Variants in KSR1 observed in about 807,000 individuals in gnomAD.
KSR1 encodes the protein kinase suppressor of ras.
Under a neutral mutation model 92.9 loss-of-function variants are expected in KSR1, and 35 were observed. The observed-to-expected ratio is 0.38, with a 90% CI of 0.29 to 0.50. KSR1 has a LOEUF of 0.50. Among genes scored for constraint, KSR1 ranks in the 20% least tolerant of loss-of-function variants. KSR1 has a pLI of 0.94. For missense variants in KSR1, 972 were observed against 1,158.5 expected (o/e 0.84, Z 2.34); for synonymous variants, 467 against 472.6 (o/e 0.99, Z 0.15).
Position 27,604,720 on chromosome 17 carries a change from G to A in KSR1, c.1606G>A (p.Glu536Lys), listed in dbSNP as rs1163065661. The A allele has an allele frequency of 4.3e-6, 7 of 1,613,908 alleles. No individual in the cohort carries two copies. The highest frequency in any genetic ancestry group is 2.2e-5 in the South Asian group (2 of 91,080). Reference protein sequence around the residue: ...QPKADVLEAHEAEAEEPEAGK... With the variant: ...QPKADVLEAHKAEAEEPEAGK... ...GAAAGCAGATGTGTTGGAAGCTCAC[G>A]AAGCGGAGGTGAGGGTGACACACAC... Residue 536 changes from glutamate (E) to lysine (K), a missense_variant, in exon 13 of 21, where the codon GAA (glutamate) becomes AAA (lysine). By Grantham distance (56) the Glu-to-Lys change is moderately conservative (BLOSUM62 1). This residue lies in a region of KSR1 where 611 missense variants were observed against 668.0 expected (regional missense o/e 0.91). Transcript: ENST00000644974.
intron 1 of KSR1, among the ~76,000 whole-genome samples, chr17:27,543,517 G>A (rs957661662): frequency 2.6e-5 from 4 of 152,210 alleles, no homozygotes; most frequent in Non-Finnish European, 2.9e-5. Context: ...TCAGTGGCAC[G>A]TGCTTCTCCT....
chr17:27,514,519 G>T (rs2069717624), intron 1 of KSR1, among the ~76,000 whole-genome samples: 1 of 152,130 alleles, frequency 6.6e-6, no homozygotes, highest in South Asian at 2.1e-4. Flanking sequence ...AACTAGCTGG[G>T]TGTGGTGGCG....
intron 1 of KSR1, among the ~76,000 whole-genome samples, chr17:27,530,310 T>C (rs1365853331): frequency 6.6e-6 from 1 of 151,596 alleles, no homozygotes; most frequent in African/African-American, 2.4e-5. Flanking sequence ...TTGGGTGTAG[T>C]TGTGTGTGGC....
At chr17:27,512,007 T>C (rs1354850415) in intron 1 of KSR1, among the ~76,000 whole-genome samples, 1 of 152,222 alleles carries the variant, frequency 6.6e-6, no homozygotes, top group Non-Finnish European at 1.5e-5. Flanking sequence ...ATAGTAGTCA[T>C]GTGTATGTTA....
chr17:27,475,198 AG>A (rs2068303441), intron 1 of KSR1, among the ~76,000 whole-genome samples: 1 of 152,020 alleles, frequency 6.6e-6, no homozygotes, highest in Admixed American at 6.5e-5. Flanking sequence ...TGAGGCCACA[AG>A]GGGCCCTGGG....
At chr17:27,545,223 C>T (rs775057260) in intron 1 of KSR1, among the ~76,000 whole-genome samples, 2 of 152,190 alleles carry the variant, frequency 1.3e-5, no homozygotes, top group African/African-American at 2.4e-5. Flanking sequence ...AAAAAGAAAC[C>T]GCTTGCTCCT....
chr17:27,480,004 GAA>G (rs958335556), intron 1 of KSR1, among the ~76,000 whole-genome samples: 1 of 152,202 alleles, frequency 6.6e-6, no homozygotes, highest in Admixed American at 6.5e-5. Context: ...GACATTCAGG[GAA>G]AAGTTTAATG....
chr17:27,592,430 T>G lies in KSR1; in HGVS notation c.1192+8T>G, dbSNP rs755554644. 1.9e-6 allele frequency: 3 copies of G among 1,613,828 alleles called. No homozygotes were observed. In the African/African-American group the frequency reaches 4.0e-5, roughly 22 times the overall value. ...GAATATCCTTCCTGCCACGTGAGTTTTCTGCCTTCCTCTCCTCTGCCTTCT... is the reference window on the plus strand; with the variant it reads ...GAATATCCTTCCTGCCACGTGAGTTGTCTGCCTTCCTCTCCTCTGCCTTCT... On this transcript the variant is annotated splice_region_variant and intron_variant, in intron 8 of 20. Transcript: ENST00000644974.
chr17:27,614,473 A>G (rs547011801), intron 18 of KSR1, among the ~76,000 whole-genome samples: 3 of 152,298 alleles, frequency 2.0e-5, no homozygotes, highest in Non-Finnish European at 4.4e-5. Flanking sequence ...GGTAAGTGCC[A>G]TCTTCAGGGA....
intron 1 of KSR1, among the ~76,000 whole-genome samples, chr17:27,549,052 G>A (rs571059994): frequency 1.4e-4 from 21 of 152,202 alleles, no homozygotes; most frequent in Non-Finnish European, 2.4e-4. Flanking sequence ...ATTTTGGAGA[G>A]GTTCAGCTTC....
At chr17:27,489,941 G>A (rs2068772012) in intron 1 of KSR1, among the ~76,000 whole-genome samples, 1 of 152,246 alleles carries the variant, frequency 6.6e-6, no homozygotes, top group Admixed American at 6.5e-5. Flanking sequence ...TGACCCAGAA[G>A]CTTGTTGCAT....
intron 6 of KSR1, 29 bp downstream of exon 6, chr17:27,588,564 A>G (rs1190304636): frequency 6.4e-7 from 1 of 1,570,956 alleles, no homozygotes; most frequent in African/African-American, 1.3e-5. Context: ...GAGGGGGAGC[A>G]GGGCACAGCC....
chr17:27,550,098 G>A (rs1057332367), intron 1 of KSR1, among the ~76,000 whole-genome samples: 6 of 152,090 alleles, frequency 3.9e-5, no homozygotes, highest in East Asian at 1.9e-4. Context: ...GGAGTACGGT[G>A]GTGTGATGAT....
intron 3 of KSR1, among the ~76,000 whole-genome samples, chr17:27,580,995 G>C (rs12453949): frequency 0.14 from 21,085 of 152,056 alleles, 1,626 homozygotes; most frequent in Admixed American, 0.23. Context: ...TCGAACTCCT[G>C]ACCTGGTGAT....
chr17:27,609,153 C>A (rs567435049), intron 15 of KSR1, 43 bp from the exon 16 acceptor site: 3 of 1,586,836 alleles, frequency 1.9e-6, no homozygotes, highest in Admixed American at 1.7e-5. Context: ...GTGGCACCTC[C>A]GTCATCGTTG....
chr17:27,482,637 T>C (rs905417977), intron 1 of KSR1, among the ~76,000 whole-genome samples: 2 of 152,208 alleles, frequency 1.3e-5, no homozygotes, highest in African/African-American at 4.8e-5. Context: ...AAAGTAAAAC[T>C]GGAGCACATT....
At chr17:27,468,256 G>A (rs139189051) in intron 1 of KSR1, among the ~76,000 whole-genome samples, 1 of 150,216 alleles carries the variant, frequency 6.7e-6, no homozygotes, top group African/African-American at 2.5e-5. Flanking sequence ...TTTTTTCTGA[G>A]ATGGAGCCTG....
At chr17:27,478,311 C>T (rs118011591) in intron 1 of KSR1, among the ~76,000 whole-genome samples, 2,919 of 152,232 alleles carry the variant, frequency 0.019, 44 homozygotes, top group Non-Finnish European at 0.026. Flanking sequence ...AGTGTGACTG[C>T]GCCTGTGCTG....
intron 2 of KSR1, among the ~76,000 whole-genome samples, chr17:27,569,351 G>A (rs539314396): frequency 6.6e-6 from 1 of 152,334 alleles, no homozygotes; most frequent in Non-Finnish European, 1.5e-5. Context: ...TTAGAAATGT[G>A]TGTTGATGAT....
Sources: allele counts gnomAD v4.1 joint callset (sites outside exome capture counted in the v4.1 genomes callset), GRCh38; gene constraint gnomAD v4.1.1; regional missense constraint gnomAD v4.1.1; transcripts MANE v1.5; gene names NCBI Gene and HGNC (gene_info 2026-07-23, HGNC 2026-07-21).